Variants in GDA observed in about 807,000 individuals in gnomAD.
GDA encodes the protein cytoplasmic PSD-95 interactor.
Under a neutral mutation model 59.6 loss-of-function variants are expected in GDA, and 18 were observed. That is an observed-to-expected ratio of 0.30 (90% CI 0.21 to 0.45). The LOEUF is 0.45. Ranked by LOEUF, GDA falls within the 20% of genes least tolerant of loss-of-function variation. The pLI is 1.00. For synonymous variants in GDA, 201 were observed against 201.1 expected, an observed-to-expected ratio of 1.00 and a Z score of 0.00; for missense variants, 427 against 552.3, an observed-to-expected ratio of 0.77 and a Z score of 2.27.
chr9:72,115,494 G>T (rs1337044091), intron 1 of GDA, among the ~76,000 whole-genome samples: 2 of 152,162 alleles, frequency 1.3e-5, no homozygotes, highest in Non-Finnish European at 2.9e-5. Flanking sequence ...AAAAACTTGG[G>T]CTAGGTGTGA....
chr9:72,170,753 G>A (rs1359806561), intron 1 of GDA, among the ~76,000 whole-genome samples: 1 of 152,136 alleles, frequency 6.6e-6, no homozygotes, highest in Admixed American at 6.5e-5. Context: ...GGTGATAGGG[G>A]CCACAAAGAT....
intron 1 of GDA, among the ~76,000 whole-genome samples, chr9:72,132,302 A>G (rs1284199670): frequency 6.6e-6 from 1 of 152,182 alleles, no homozygotes; most frequent in East Asian, 1.9e-4. Flanking sequence ...GGTGAGTACA[A>G]GAAAGTTTGA....
intron 1 of GDA, 22 bp from the exon 2 acceptor site, chr9:72,195,478 C>A (rs770971986): frequency 9.2e-7 from 1 of 1,089,312 alleles, no homozygotes; most frequent in Non-Finnish European, 1.4e-6. Flanking sequence ...TGTTTCTTTT[C>A]TTTTCTTTCT....
chr9:72,136,770 T>C (rs1266570455), intron 1 of GDA, among the ~76,000 whole-genome samples: 1 of 152,140 alleles, frequency 6.6e-6, no homozygotes, highest in Non-Finnish European at 1.5e-5. Context: ...GGTCAGGAGA[T>C]TGACACCATC....
At chr9:72,119,272 A>C (rs1475396885) in intron 1 of GDA, among the ~76,000 whole-genome samples, 1 of 152,160 alleles carries the variant, frequency 6.6e-6, no homozygotes, top group Non-Finnish European at 1.5e-5. Context: ...CAGGAGGCCG[A>C]GGGGGGCAGA....
chr9:72,171,021 T>G lies in GDA; in HGVS notation c.123+21339T>G, dbSNP rs147939058. On this transcript the variant is annotated intron_variant, in intron 1 of 13. Transcript: ENST00000358399. Reference sequence around the variant, plus strand: ...TTTTAGTGACTGGGTTTTGCCACATTGCCCAGGCTGGTCTCAAACACCTGA... The same window carrying G: ...TTTTAGTGACTGGGTTTTGCCACATGGCCCAGGCTGGTCTCAAACACCTGA... Among the ~76,000 whole-genome samples the G allele has an allele frequency of 1.6e-3, 240 of 152,272 alleles. 2 individuals are homozygous for G. The highest frequency in any genetic ancestry group is 5.5e-3 in the African/African-American group (228 of 41,546).
upstream of GDA, among the ~76,000 whole-genome samples, chr9:72,144,811 C>A (rs1826564309): frequency 6.6e-6 from 1 of 151,984 alleles, no homozygotes; most frequent in Non-Finnish European, 1.5e-5. Flanking sequence ...GATTTGCTAT[C>A]CATTAAGGCC....
Position 72,250,852 on chromosome 9 carries a change from TTCAAAA to T in GDA, c.*2511_*2516del. Reference sequence around the variant, plus strand: ...AATACACTTTGAAAGGTAAAAACAATTCAAAAGTATCGATTATCATAAATTCACAAA... The same window carrying T: ...AATACACTTTGAAAGGTAAAAACAATGTATCGATTATCATAAATTCACAAA... On this transcript the variant is annotated 3_prime_UTR_variant, in exon 14 of 14. Transcript: ENST00000358399. The T allele has an allele frequency of 6.2e-7, 1 of 1,604,050 alleles. No homozygotes were observed. Among genetic ancestry groups the T allele is most frequent in the Non-Finnish European group, 8.5e-7 (1 of 1,173,456 alleles).
intron 1 of GDA, among the ~76,000 whole-genome samples, chr9:72,187,101 C>T (rs1831951829): frequency 6.6e-6 from 1 of 152,136 alleles, no homozygotes; most frequent in Non-Finnish European, 1.5e-5. Flanking sequence ...TTATTAACAA[C>T]TTTGTATCTA....
intron 3 of GDA, 117 bp downstream of exon 3, chr9:72,202,859 G>A: frequency 1.3e-6 from 1 of 747,690 alleles, no homozygotes; most frequent in East Asian, 2.6e-5. Flanking sequence ...GGGCCATAGA[G>A]AATTTTTAAG....
chr9:72,216,516 A>G (rs184346746), intron 5 of GDA, among the ~76,000 whole-genome samples: 90 of 152,342 alleles, frequency 5.9e-4, no homozygotes, highest in African/African-American at 2.0e-3. Context: ...GCACTGATAC[A>G]TACTACAACA....
intron 1 of GDA, among the ~76,000 whole-genome samples, chr9:72,133,922 T>C (rs551028367): frequency 3.0e-4 from 45 of 152,196 alleles, no homozygotes; most frequent in Non-Finnish European, 6.0e-4. Flanking sequence ...TGTGCTATCA[T>C]CAGGTTCCAA....
intron 10 of GDA, among the ~76,000 whole-genome samples, chr9:72,232,649 C>G (rs1046908535): frequency 6.6e-6 from 1 of 152,186 alleles, no homozygotes; most frequent in Non-Finnish European, 1.5e-5. Context: ...TTCAGATATT[C>G]TAGGATTTTG....
At chr9:72,211,731 A>G (rs759072437) in intron 4 of GDA, among the ~76,000 whole-genome samples, 2 of 152,224 alleles carry the variant, frequency 1.3e-5, no homozygotes, top group Non-Finnish European at 2.9e-5. Flanking sequence ...TAGGGGAAGG[A>G]CACAGGTATG....
In GDA at chr9:72,250,962, A is replaced by T; in HGVS notation, c.*2620A>T. 1 of 751,050 alleles carries T rather than the reference A, an allele frequency of 1.3e-6. No individual in the cohort carries two copies. Among genetic ancestry groups the T allele is most frequent in the Non-Finnish European group, 2.2e-6 (1 of 456,436 alleles). 46.5% of individuals were successfully genotyped at this position (751,050 alleles called of 1,614,324 possible). On this transcript the variant is annotated 3_prime_UTR_variant, in exon 14 of 14. Coordinates refer to ENST00000358399, the MANE Select transcript of GDA (RefSeq NM_004293.5). ...TTTTCAAACGAGAGGGAAACATGGG[A>T]AGTAAAAGATTAGGATGTGAAAGGT... is the stretch of plus-strand genomic sequence containing the variant.
At chr9:72,158,607 A>C (rs1451426981) in intron 1 of GDA, among the ~76,000 whole-genome samples, 1 of 152,008 alleles carries the variant, frequency 6.6e-6, no homozygotes, top group Non-Finnish European at 1.5e-5. Context: ...AAAAAAAAAA[A>C]ATGTGGATTA....
chr9:72,243,225 C>T (rs1002689984), intron 11 of GDA, among the ~76,000 whole-genome samples: 1 of 152,218 alleles, frequency 6.6e-6, no homozygotes, highest in Admixed American at 6.5e-5. Flanking sequence ...GCATTTGAGT[C>T]ACTTACCAGC....
chr9:72,172,268 A>G (rs1396962215), intron 1 of GDA, among the ~76,000 whole-genome samples: 2 of 151,288 alleles, frequency 1.3e-5, no homozygotes, highest in African/African-American at 2.4e-5. Context: ...TTTATTATAC[A>G]TTATGTGTCT....
At chr9:72,171,247 A>C (rs960036248) in intron 1 of GDA, among the ~76,000 whole-genome samples, 1 of 152,220 alleles carries the variant, frequency 6.6e-6, no homozygotes, top group Non-Finnish European at 1.5e-5. Context: ...AACAACTATA[A>C]TTTTAATTCC....
Sources: gnomAD v4.1 joint callset for allele counts (sites outside exome capture counted in the v4.1 genomes callset) on GRCh38, gnomAD v4.1.1 for gene constraint, MANE v1.5 for transcripts, NCBI Gene and HGNC (gene_info 2026-07-23, HGNC 2026-07-21) for gene names.